The following TEC variants were observed in gnomAD, a reference collection of about 807,000 sequenced individuals.
TEC encodes tec protein tyrosine kinase, also known as tyrosine-protein kinase Tec.
In TEC, 72 loss-of-function variants were observed where a neutral mutation model predicts 93.0. The ratio of observed to expected loss-of-function variants is 0.77; its 90% CI spans 0.64 to 0.94. The LOEUF (loss-of-function observed/expected upper bound fraction) is 0.94. Ranked by LOEUF, TEC falls within the 40% of genes least tolerant of loss-of-function variation. The pLI, the probability that TEC is intolerant of heterozygous loss-of-function variation, is 0.00. For synonymous variants in TEC, 249 were observed against 247.7 expected, an observed-to-expected ratio of 1.01 and a Z score of -0.05; for missense variants, 630 against 757.9, an observed-to-expected ratio of 0.83 and a Z score of 1.98.
At chr4:48,169,557 A>G (rs758862836) in intron 5 of TEC, among the ~76,000 whole-genome samples, 1 of 152,124 alleles carries the variant, frequency 6.6e-6, no homozygotes, top group Admixed American at 6.6e-5. Context: ...CCTGCCAAGT[A>G]GTAGTTCTGC....
chr4:48,140,303 C>T (rs4446283), intron 15 of TEC, among the ~76,000 whole-genome samples: 16,741 of 152,192 alleles, frequency 0.11, 1,168 homozygotes, highest in East Asian at 0.33. Context: ...AGACGTGTCC[C>T]AGACTTCAAG....
chr4:48,254,081 G>A (rs986887471), intron 1 of TEC, among the ~76,000 whole-genome samples: 1 of 152,094 alleles, frequency 6.6e-6, no homozygotes, highest in Admixed American at 6.6e-5. Flanking sequence ...CTTTTATGAA[G>A]TCTCCCTTAT....
At chr4:48,217,388 T>C (rs919647304) in intron 2 of TEC, among the ~76,000 whole-genome samples, 9 of 152,152 alleles carry the variant, frequency 5.9e-5, no homozygotes, top group South Asian at 2.1e-4. Context: ...AGGCGTGAGA[T>C]ACCGCGCCCA....
intron 13 of TEC, 24 bp downstream of exon 13, chr4:48,145,384 G>A: frequency 6.2e-7 from 1 of 1,613,378 alleles, no homozygotes; most frequent in Admixed American, 1.7e-5. Context: ...AAAAAGATGA[G>A]CCAGAAAGAT....
intron 9 of TEC, among the ~76,000 whole-genome samples, chr4:48,153,988 C>T (rs573321936): frequency 6.6e-6 from 1 of 152,328 alleles, no homozygotes; most frequent in South Asian, 2.1e-4. Flanking sequence ...GGTAAACCAT[C>T]TATGCTCAGG....
intron 8 of TEC, among the ~76,000 whole-genome samples, chr4:48,162,183 A>G (rs1309629880): frequency 6.6e-6 from 1 of 152,212 alleles, no homozygotes; most frequent in African/African-American, 2.4e-5. Context: ...CCACATGGGA[A>G]CAGGTTTCCC....
At chr4:48,145,032 A>C in intron 14 of TEC, 47 bp downstream of exon 14, 1 of 1,558,794 alleles carries the variant, frequency 6.4e-7, no homozygotes, top group Non-Finnish European at 8.8e-7. Context: ...AGCCAGTGTT[A>C]CAAAGGAATT....
chr4:48,144,915 T>C (rs1409648414), intron 14 of TEC, among the ~76,000 whole-genome samples, 164 bp downstream of exon 14: 1 of 152,192 alleles, frequency 6.6e-6, no homozygotes, highest in African/African-American at 2.4e-5. Flanking sequence ...AATAAAGATC[T>C]TTCGTTTAAA....
chr4:48,153,471 T>A (rs971010978), intron 9 of TEC: 3 of 152,232 alleles, frequency 2.0e-5, no homozygotes, highest in African/African-American at 4.8e-5. Context: ...TACTAATTGA[T>A]GACAACCAGT....
chr4:48,221,137 G>A (rs1215216284), intron 2 of TEC, among the ~76,000 whole-genome samples: 1 of 152,204 alleles, frequency 6.6e-6, no homozygotes, highest in Non-Finnish European at 1.5e-5. Flanking sequence ...AGATACACAG[G>A]GTGAGGTCCA....
intron 14 of TEC, among the ~76,000 whole-genome samples, chr4:48,143,630 A>G (rs1719775650): frequency 6.6e-6 from 1 of 152,188 alleles, no homozygotes; most frequent in African/African-American, 2.4e-5. Flanking sequence ...GTATCCCAAA[A>G]CACACCTAGG....
intron 2 of TEC, among the ~76,000 whole-genome samples, chr4:48,210,286 CAGCCT>C (rs1459118981): frequency 6.6e-6 from 1 of 151,964 alleles, no homozygotes; most frequent in Non-Finnish European, 1.5e-5. Flanking sequence ...AGTTTAAGAC[CAGCCT>C]AGGCAACATA....
chr4:48,141,384 A>G lies in TEC; in HGVS notation c.1506T>C (p.Val502=). The G allele has an allele frequency of 6.2e-7, 1 of 1,613,902 alleles. No homozygotes were observed. The highest frequency in any genetic ancestry group is 8.5e-7 in the Non-Finnish European group (1 of 1,179,944). ...CCATTCCAAAATCAGATACTTTTAC[A>G]ACTCCCGCCTCACTTACTAGACAAT... ...ARNCLVSEAG[V]VKVSDFGMAR... Residue 502 remains valine, a synonymous_variant, in exon 15 of 18, where the codon GTT becomes GTC. Transcript: ENST00000381501.
intron 3 of TEC, among the ~76,000 whole-genome samples, chr4:48,175,540 T>A (rs1161965614): frequency 6.6e-6 from 1 of 152,180 alleles, no homozygotes; most frequent in Non-Finnish European, 1.5e-5. Context: ...CTGGCAGGAA[T>A]GCGGAGTAGC....
intron 2 of TEC, among the ~76,000 whole-genome samples, chr4:48,201,617 G>A (rs1006392466): frequency 8.5e-5 from 13 of 152,322 alleles, no homozygotes; most frequent in Admixed American, 6.5e-4. Flanking sequence ...GTGGGCTACC[G>A]AAGCAGTAGG....
intron 1 of TEC, among the ~76,000 whole-genome samples, chr4:48,258,630 C>T (rs1235664908): frequency 6.6e-6 from 1 of 152,150 alleles, no homozygotes; most frequent in East Asian, 1.9e-4. Flanking sequence ...TCCAGCTATG[C>T]CTAACCTTTG....
intron 1 of TEC, among the ~76,000 whole-genome samples, chr4:48,235,165 A>G (rs1458173203): frequency 6.6e-6 from 1 of 152,046 alleles, no homozygotes; most frequent in African/African-American, 2.4e-5. Context: ...TATTAAACTG[A>G]TTCACGTAGA....
intron 8 of TEC, among the ~76,000 whole-genome samples, chr4:48,157,782 CT>C (rs1720462009): frequency 6.6e-6 from 1 of 152,176 alleles, no homozygotes; most frequent in African/African-American, 2.4e-5. Context: ...TTCCAAAATC[CT>C]GGGATTACAG....
chr4:48,146,355 T>C lies in TEC; in HGVS notation c.1051A>G (p.Asn351Asp), dbSNP rs1202827426. 6.2e-7 allele frequency: 1 copy of C among 1,613,852 alleles called. No individual in the cohort carries two copies. Among genetic ancestry groups the C allele is most frequent in the African/African-American group, 1.3e-5 (1 of 75,022 alleles). Residue 351 changes from asparagine to aspartate, a missense_variant, in exon 12 of 18, where the codon AAT becomes GAT. Physicochemically the swap from Asn to Asp is conservative, Grantham distance 23 (BLOSUM62 1). Around this residue, in one of 3 missense-constraint regions of TEC, gnomAD observed 289 missense variants for 390.0 expected, o/e 0.74. Coordinates refer to ENST00000381501, the MANE Select transcript of TEC (RefSeq NM_003215.3). Reference protein sequence around the residue: ...LRYPVSVKGKNAPTTAGFSYE... With the variant: ...LRYPVSVKGKDAPTTAGFSYE... ...CTGAATCCTGCAGTGGTGGGTGCATTCTTCCCTTTCACACTAACTGGGTAC... is the reference window on the plus strand; with the variant it reads ...CTGAATCCTGCAGTGGTGGGTGCATCCTTCCCTTTCACACTAACTGGGTAC...
Sources: gnomAD v4.1 joint callset for allele counts (sites outside exome capture counted in the v4.1 genomes callset) on GRCh38, gnomAD v4.1.1 for gene constraint, gnomAD v4.1.1 regional missense constraint, MANE v1.5 for transcripts, NCBI Gene and HGNC (gene_info 2026-07-23, HGNC 2026-07-21) for gene names.